Variants in EDA observed in about 807,000 individuals in gnomAD.
The protein encoded by EDA is ectodysplasin-A.
EDA carries 2 observed loss-of-function variants against 23.6 expected under a neutral mutation model. The ratio of observed to expected loss-of-function variants is 0.08; its 90% confidence interval spans 0.03 to 0.27. The LOEUF (loss-of-function observed/expected upper bound fraction) is 0.27, where lower values mean the gene tolerates loss of function less well. EDA is among the 10% of genes least tolerant of loss of function. The probability of loss-of-function intolerance (pLI) is 1.00; values close to 1 mark genes in which losing one functional copy is unlikely to be tolerated. For missense variants in EDA, 229 were observed against 324.2 expected, an observed-to-expected ratio of 0.71 and a Z score of 2.26; for synonymous variants, 131 against 132.0, an observed-to-expected ratio of 0.99 and a Z score of 0.05.
intron 1 of EDA, among the ~76,000 whole-genome samples, chrX:69,671,501 T>C (rs775891591): frequency 3.7e-4 from 41 of 111,544 alleles, no homozygotes; most frequent in Middle Eastern, 4.6e-3. Context: ...CTCCAAGGCA[T>C]GAATGACTGC....
At chrX:69,620,050 A>G (rs915772623) in intron 1 of EDA, among the ~76,000 whole-genome samples, 3 of 111,688 alleles carry the variant, frequency 2.7e-5, no homozygotes, top group Non-Finnish European at 5.7e-5. Context: ...TTGGTTTTTC[A>G]GTCTGGATAG....
intron 1 of EDA, among the ~76,000 whole-genome samples, chrX:69,860,169 G>T (rs1231303720): frequency 3.6e-5 from 4 of 111,008 alleles, no homozygotes; most frequent in Non-Finnish European, 7.6e-5. Flanking sequence ...ATGGATCTTG[G>T]CTCTTTATCC....
chrX:69,720,535 GT>G, intron 1 of EDA, among the ~76,000 whole-genome samples: 1 of 111,685 alleles, frequency 9.0e-6, no homozygotes, highest in East Asian at 2.8e-4. Flanking sequence ...CACAGGTCAT[GT>G]TTTTTACATC....
intron 1 of EDA, among the ~76,000 whole-genome samples, chrX:69,785,082 G>T (rs1208527395): frequency 1.9e-5 from 2 of 105,309 alleles, no homozygotes; most frequent in African/African-American, 3.5e-5. Flanking sequence ...CTCCTGATTT[G>T]GCTCTCTGTT....
At position 69,981,182 on chromosome X, in the gene EDA, G is replaced by A. The variant is rs781404770; in HGVS notation, c.502+24050G>A. ...TCAGTGGGGTTCATCTCTCTTTACC[G>A]CTAGATCCTTTTATGTCAGTAGGAT... On this transcript the variant is annotated intron_variant, in intron 2 of 7. Transcript: ENST00000374552. Among the ~76,000 whole-genome samples the A allele has an allele frequency of 4.5e-5, 5 of 111,431 alleles. No individual in the cohort carries two copies. In the South Asian group the frequency reaches 1.1e-3, roughly 26 times the overall value.
intron 1 of EDA, among the ~76,000 whole-genome samples, chrX:69,739,513 C>A (rs1025616866): frequency 9.0e-6 from 1 of 110,977 alleles, no homozygotes; most frequent in African/African-American, 3.3e-5. Context: ...TTTATATCTG[C>A]CACTTTGCTT....
intron 1 of EDA, among the ~76,000 whole-genome samples, chrX:69,830,128 C>T (rs1466484032): frequency 9.0e-6 from 1 of 111,075 alleles, no homozygotes; most frequent in Admixed American, 9.6e-5. Flanking sequence ...TGCTTCTTCC[C>T]CATGCATTTT....
At chrX:69,638,678 A>C (rs1417676986) in intron 1 of EDA, among the ~76,000 whole-genome samples, 1 of 111,977 alleles carries the variant, frequency 8.9e-6, no homozygotes, top group Non-Finnish European at 1.9e-5. Context: ...AGTAATTTCT[A>C]GTTTCTGTAC....
chrX:69,803,400 C>T lies in EDA; in HGVS notation c.397-153627C>T, dbSNP rs1223186004. On this transcript the variant is annotated intron_variant, in intron 1 of 7. Coordinates refer to ENST00000374552, the MANE Select transcript of EDA (RefSeq NM_001399.5). ...TTTAGTGTTTTTTAAAACTTAGGCC[C>T]TCTGATTAATATTCAGTTTGTCCAT... is the stretch of plus-strand genomic sequence containing the variant. Among the ~76,000 whole-genome samples the T allele has an allele frequency of 2.7e-5, 3 of 110,222 alleles. No individual in the cohort carries two copies. In the Admixed American group the frequency reaches 2.9e-4, roughly 11 times the overall value.
intron 2 of EDA, among the ~76,000 whole-genome samples, chrX:70,005,125 C>T (rs779836196): frequency 2.5e-4 from 28 of 111,303 alleles, no homozygotes; most frequent in Non-Finnish European, 5.7e-5. Flanking sequence ...AAGCTGGAGC[C>T]TACTACCTGT....
intron 1 of EDA, among the ~76,000 whole-genome samples, chrX:69,866,858 G>A (rs745559447): frequency 1.5e-4 from 17 of 112,131 alleles, no homozygotes; most frequent in Admixed American, 1.1e-3. Flanking sequence ...TGAGTGCCTC[G>A]GTTAGAGGCA....
intron 1 of EDA, among the ~76,000 whole-genome samples, chrX:69,946,266 G>A (rs1311520902): frequency 9.0e-6 from 1 of 111,266 alleles, no homozygotes; most frequent in Non-Finnish European, 1.9e-5. Flanking sequence ...TTCAATCTGC[G>A]TACTTATAGC....
At chrX:69,853,974 ACCC>A (rs2017190858) in intron 1 of EDA, among the ~76,000 whole-genome samples, 1 of 111,529 alleles carries the variant, frequency 9.0e-6, no homozygotes, top group Admixed American at 9.5e-5. Flanking sequence ...TAGTTTGCTT[ACCC>A]TAATCTGTGA....
At chrX:70,020,359 C>T (rs1043039031) in intron 2 of EDA, among the ~76,000 whole-genome samples, 20 of 111,071 alleles carry the variant, frequency 1.8e-4, no homozygotes, top group Admixed American at 3.8e-4. Context: ...AGATAGAGAC[C>T]ATCCTGGCTA....
chrX:69,782,482 C>A (rs1017983189), intron 1 of EDA, among the ~76,000 whole-genome samples: 4 of 109,884 alleles, frequency 3.6e-5, no homozygotes, highest in Middle Eastern at 4.7e-3. Context: ...TGTGTGGCCA[C>A]ACAAATGTGT....
At chrX:69,716,748 G>A (rs920249659) in intron 1 of EDA, among the ~76,000 whole-genome samples, 6 of 111,197 alleles carry the variant, frequency 5.4e-5, no homozygotes, top group Non-Finnish European at 5.7e-5. Context: ...TGATGTCTTT[G>A]AGCAGTGTTT....
intron 2 of EDA, among the ~76,000 whole-genome samples, chrX:69,982,183 G>T (rs985924487): frequency 1.8e-5 from 2 of 111,440 alleles, no homozygotes; most frequent in African/African-American, 6.5e-5. Context: ...GGAAAATGTT[G>T]CTGCCGTTAC....
chrX:69,976,767 AG>A (rs963136651), intron 2 of EDA, among the ~76,000 whole-genome samples: 25 of 86,655 alleles, frequency 2.9e-4, no homozygotes, highest in African/African-American at 1.0e-3. Context: ...TGACAGGGGG[AG>A]GGGGGGTGGA....
intron 1 of EDA, among the ~76,000 whole-genome samples, chrX:69,773,071 C>T (rs150055009): frequency 4.7e-4 from 53 of 111,811 alleles, no homozygotes; most frequent in African/African-American, 1.6e-3. Context: ...CATTTCACAC[C>T]TATTCCATCC....
Sources: gnomAD v4.1 joint callset for allele counts (sites outside exome capture counted in the v4.1 genomes callset) on GRCh38, gnomAD v4.1.1 for gene constraint, MANE v1.5 for transcripts, NCBI Gene and HGNC (gene_info 2026-07-23, HGNC 2026-07-21) for gene names.